The following OTOF variants were observed in gnomAD, a reference collection of about 807,000 sequenced individuals.
OTOF encodes otoferlin, also known as fer-1-like family member 2.
Under a neutral mutation model 236.8 loss-of-function variants are expected in OTOF, and 218 were observed. The ratio of observed to expected loss-of-function variants is 0.92; its 90% CI spans 0.82 to 1.03. The LOEUF is 1.03. Ranked by LOEUF, OTOF falls within the 50% of genes least tolerant of loss-of-function variation. The pLI is 0.00. For synonymous variants in OTOF, 1,041 were observed against 1,072.5 expected (o/e 0.97, Z 0.57); for missense variants, 2,590 against 2,694.4 (o/e 0.96, Z 0.86).
chr2:26,489,805 G>T, intron 9 of OTOF, 65 bp from the exon 10 acceptor site: 1 of 1,269,564 alleles, frequency 7.9e-7, no homozygotes, highest in Non-Finnish European at 1.2e-6. Flanking sequence ...GGCAGTGTTG[G>T]GCCCCTCCCT....
intron 5 of OTOF, among the ~76,000 whole-genome samples, chr2:26,505,679 G>C (rs1666230370): frequency 6.6e-6 from 1 of 152,228 alleles, no homozygotes; most frequent in Non-Finnish European, 1.5e-5. Context: ...TTCTAGGCCA[G>C]CAATATTTTT....
In OTOF at chr2:26,474,018, C is replaced by G. The variant is rs756261346; in HGVS notation, c.3381G>C (p.Arg1127=). The part of the protein sequence containing the change: ...GPIMPVPMGI[R]PVLSKYRVEV... ...CCACTCGGTACTTGCTGAGCACGGG[C>G]CGGATGCCCATGGGCACGGGCATGA... The change falls in exon 27 of 47, where the codon CGG becomes CGC. Residue 1127 remains arginine, a synonymous_variant. Transcript: ENST00000272371. 10 of 1,613,004 alleles carry G rather than the reference C, an allele frequency of 6.2e-6. No homozygotes were observed. In the South Asian group the frequency reaches 1.1e-4, roughly 18 times the overall value.
At chr2:26,515,509 A>G (rs1347751166) in intron 5 of OTOF, among the ~76,000 whole-genome samples, 1 of 152,186 alleles carries the variant, frequency 6.6e-6, no homozygotes, top group Non-Finnish European at 1.5e-5. Flanking sequence ...GAGAAAACAT[A>G]TTTGTCCCAT....
rs371369111 is a variant in OTOF at position 26,477,609 on chromosome 2, C to T, written c.2315+40G>A. 94 of 1,609,702 alleles carry T rather than the reference C, an allele frequency of 5.8e-5. No homozygotes were observed. Among genetic ancestry groups the T allele is most frequent in the Middle Eastern group, 1.7e-4 (1 of 6,058 alleles). On this transcript the variant is annotated intron_variant, in intron 19 of 46. Transcript: ENST00000272371. This position sits in a 1 kb window ranked among gnomAD's most constrained non-coding sequence, Gnocchi z 4.7. ...TGGCAGGGTCCCCTTTGTCCAGTTCCGCCTCATCCTCCCCCCACCTGCCGC... is the reference window on the plus strand; with the variant it reads ...TGGCAGGGTCCCCTTTGTCCAGTTCTGCCTCATCCTCCCCCCACCTGCCGC...
intron 1 of OTOF, among the ~76,000 whole-genome samples, chr2:26,548,643 T>A (rs1255855946): frequency 6.6e-6 from 1 of 152,252 alleles, no homozygotes; most frequent in African/African-American, 2.4e-5. Context: ...AATATTGTAT[T>A]TACTGTATCT....
chr2:26,472,176 T>C (rs916722101), intron 30 of OTOF, among the ~76,000 whole-genome samples: 4 of 149,268 alleles, frequency 2.7e-5, no homozygotes, highest in Non-Finnish European at 4.4e-5. Context: ...CACATGCACA[T>C]ACACCACATG....
rs1035553316 is a variant in OTOF, at chr2:26,476,204, G to C, written c.2790C>G (p.Pro930=). The C allele has an allele frequency of 6.2e-6, 10 of 1,610,242 alleles. No individual in the cohort carries two copies. The highest frequency in any genetic ancestry group is 8.5e-6 in the Non-Finnish European group (10 of 1,179,842). The change falls in exon 23 of 47, where the codon CCC becomes CCG. Residue 930 remains proline, a synonymous_variant. Coordinates refer to ENST00000272371, the MANE Select transcript of OTOF (RefSeq NM_194248.3). ...KQRKEFLCGL[P]CGFQEVKAAQ... is the part of the protein sequence containing the mutation. ...CTGCCTTGACCTCCTGGAAGCCACA[G>C]GGCAGGCCGCACAGGAACTCCTTGC...
intron 46 of OTOF, among the ~76,000 whole-genome samples, chr2:26,459,393 A>G (rs1383078336): frequency 6.6e-6 from 1 of 152,130 alleles, no homozygotes; most frequent in Non-Finnish European, 1.5e-5. Context: ...TCTACTAAAA[A>G]TACAAAAAAT....
At chr2:26,519,599 G>T (rs1032925389) in intron 3 of OTOF, among the ~76,000 whole-genome samples, 2 of 152,220 alleles carry the variant, frequency 1.3e-5, no homozygotes, top group African/African-American at 4.8e-5. Flanking sequence ...AGGAACCTGT[G>T]TGATGGCAGA....
At chr2:26,535,028 G>T (rs540294009) in intron 2 of OTOF, among the ~76,000 whole-genome samples, 1 of 152,368 alleles carries the variant, frequency 6.6e-6, no homozygotes, top group East Asian at 1.9e-4. Context: ...TTTGGGACTG[G>T]GCTGACCCAG....
Position 26,465,757 on chromosome 2 carries a change from G to C in OTOF, c.4714C>G (p.Leu1572Val). 1 of 1,614,260 alleles carries C rather than the reference G, an allele frequency of 6.2e-7. No homozygotes were observed. The highest frequency in any genetic ancestry group is 8.5e-7 in the Non-Finnish European group (1 of 1,180,034). The change falls in exon 38 of 47, where the codon CTC becomes GTC. Residue 1572 changes from leucine (L) to valine (V), a missense_variant. This residue lies in a region of OTOF where 1,211 missense variants were observed against 1,352.8 expected (regional missense o/e 0.90). Transcript: ENST00000272371. ...AGGTCGATCTTGGTTTCCCCAATGA[G>C]GTCATCAGTGCCCACCAGGTCCCAG... The part of the protein sequence containing the change: ...YDWDLVGTDD[L>V]IGETKIDLEN...
intron 18 of OTOF, among the ~76,000 whole-genome samples, chr2:26,478,679 T>A (rs1665428186): frequency 7.7e-6 from 1 of 129,368 alleles, no homozygotes; most frequent in Non-Finnish European, 1.6e-5. Context: ...CTAGCCTTGC[T>A]TTTTTATTTT....
chr2:26,484,458 G>A lies in OTOF; in HGVS notation c.1205+16C>T, dbSNP rs1665651258. On this transcript the variant is annotated intron_variant, in intron 12 of 46. Transcript: ENST00000272371. ...GGCTGGCTCAGACTCCAGGGGCTGG[G>A]GTAGCTGGGCCTCACCCCTCAATGT... The A allele has an allele frequency of 1.9e-6, 3 of 1,613,746 alleles. No individual in the cohort carries two copies. The highest frequency in any genetic ancestry group is 2.5e-6 in the Non-Finnish European group (3 of 1,179,896).
rs1664688574 is a variant in OTOF, at chr2:26,465,655, C to T, written c.4799+17G>A. ...GCAGGCACACTGCCCCCGCCCTCTG[C>T]CCCATGCCCCACATACGTGGAGTAG... On this transcript the variant is annotated intron_variant, in intron 38 of 46. Coordinates refer to ENST00000272371, the MANE Select transcript of OTOF (RefSeq NM_194248.3). 1.2e-6 allele frequency: 2 copies of T among 1,613,488 alleles called. No individual in the cohort carries two copies. Among genetic ancestry groups the T allele is most frequent in the Non-Finnish European group, 1.7e-6 (2 of 1,179,474 alleles).
intron 2 of OTOF, among the ~76,000 whole-genome samples, chr2:26,536,448 C>A (rs1172436003): frequency 6.6e-6 from 1 of 152,158 alleles, no homozygotes; most frequent in Non-Finnish European, 1.5e-5. Context: ...GGCAACTGCG[C>A]CCTGAAGTGG....
At chr2:26,488,855 G>A (rs1014303938) in intron 11 of OTOF, among the ~76,000 whole-genome samples, 15 of 152,338 alleles carry the variant, frequency 9.8e-5, no homozygotes, top group East Asian at 1.9e-4. Context: ...AGGCTGTGAC[G>A]GGTCTCCCTC....
In OTOF at chr2:26,470,492, T is replaced by G; in HGVS notation, c.4023+101A>C. The G allele has an allele frequency of 8.7e-7, 1 of 1,154,026 alleles. No individual in the cohort carries two copies. Among genetic ancestry groups the G allele is most frequent in the Non-Finnish European group, 1.3e-6 (1 of 764,632 alleles). 71.5% of individuals were successfully genotyped at this position (1,154,026 alleles called of 1,614,324 possible). On this transcript the variant is annotated intron_variant, in intron 32 of 46. Coordinates refer to ENST00000272371, the MANE Select transcript of OTOF (RefSeq NM_194248.3). The surrounding 1 kb of genome is among the most constrained non-coding windows in gnomAD (Gnocchi z 4.3). Reference sequence around the variant, plus strand: ...CAAAACCATCCCAAACTCACATGAATGGAGTTGGGATCCAGCTCTTGGGGG... The same window carrying G: ...CAAAACCATCCCAAACTCACATGAAGGGAGTTGGGATCCAGCTCTTGGGGG...
Position 26,457,750 on chromosome 2 carries a change from TGAA to T in OTOF, c.*485_*487del, listed in dbSNP as rs1290962089. 1 of 426,706 alleles carries T rather than the reference TGAA, an allele frequency of 2.3e-6. No homozygotes were observed. The highest frequency in any genetic ancestry group is 4.2e-6 in the Non-Finnish European group (1 of 236,748). The allele number at this position is 426,706 out of a possible 1,614,324, so 26.4% of individuals were successfully genotyped here. ...GGAGTCTTCCTCTGGAGCCTGGGCC[TGAA>T]GAAGGGTGGCGCCTCAGCCAGGTGG... On this transcript the variant is annotated 3_prime_UTR_variant, in exon 47 of 47. Transcript: ENST00000272371. This position sits in a 1 kb window ranked among gnomAD's most constrained non-coding sequence, Gnocchi z 4.4.
chr2:26,531,240 GTTC>G (rs1406641769), intron 2 of OTOF, among the ~76,000 whole-genome samples: 6 of 152,028 alleles, frequency 3.9e-5, no homozygotes, highest in Admixed American at 2.6e-4. Context: ...CTTCTTTTTT[GTTC>G]TTCTGACAAC....
Sources: gnomAD v4.1 joint callset for allele counts (sites outside exome capture counted in the v4.1 genomes callset) on GRCh38, gnomAD v4.1.1 for gene constraint, gnomAD v4.1.1 regional missense constraint, Gnocchi (gnomAD v3.1) non-coding constraint, MANE v1.5 for transcripts, NCBI Gene and HGNC (gene_info 2026-07-23, HGNC 2026-07-21) for gene names.